The following PIAS1 variants were observed in gnomAD, a reference collection of about 807,000 sequenced individuals.
PIAS1 encodes the protein E3 SUMO-protein ligase PIAS1.
A neutral mutation model predicts 71.3 loss-of-function variants in PIAS1; 6 were observed. The observed-to-expected ratio is 0.08, with a 90% CI of 0.05 to 0.17. PIAS1 has a LOEUF of 0.17. Ranked by LOEUF, PIAS1 falls within the 10% of genes least tolerant of loss-of-function variation. PIAS1 has a pLI of 1.00. For missense variants in PIAS1, 555 were observed against 793.6 expected, an observed-to-expected ratio of 0.70 and a Z score of 3.61; for synonymous variants, 303 against 292.9, an observed-to-expected ratio of 1.03 and a Z score of -0.35.
chr15:68,059,993 ATTGT>A (rs1245751587), intron 1 of PIAS1, among the ~76,000 whole-genome samples: 1 of 152,052 alleles, frequency 6.6e-6, no homozygotes. Flanking sequence ...TCATACCTTT[ATTGT>A]TTATGTTTCT....
chr15:68,140,780 T>G (rs2092764667), intron 2 of PIAS1, among the ~76,000 whole-genome samples: 1 of 152,202 alleles, frequency 6.6e-6, no homozygotes, highest in African/African-American at 2.4e-5. Flanking sequence ...AACAGCCAAC[T>G]TCAGCTGCTT....
At chr15:68,148,862 G>C (rs1172860653) in intron 6 of PIAS1, among the ~76,000 whole-genome samples, 1 of 152,226 alleles carries the variant, frequency 6.6e-6, no homozygotes, top group Non-Finnish European at 1.5e-5. Context: ...AGCTCTTGTG[G>C]AAGTATTAGT....
At chr15:68,093,041 G>T (rs1740698472) in intron 2 of PIAS1, among the ~76,000 whole-genome samples, 1 of 152,148 alleles carries the variant, frequency 6.6e-6, no homozygotes, top group South Asian at 2.1e-4. Context: ...CCTTTTCTTT[G>T]ACAGTGATGA....
intron 2 of PIAS1, among the ~76,000 whole-genome samples, chr15:68,139,687 A>G (rs2092757182): frequency 6.6e-6 from 1 of 152,214 alleles, no homozygotes; most frequent in Non-Finnish European, 1.5e-5. Flanking sequence ...AAAAAGATTA[A>G]GATTTTATAT....
intron 2 of PIAS1, among the ~76,000 whole-genome samples, chr15:68,095,782 C>T (rs893026030): frequency 4.0e-5 from 6 of 151,426 alleles, no homozygotes; most frequent in Admixed American, 1.3e-4. Flanking sequence ...CTGCCCACCT[C>T]GGCCTCCCAA....
At chr15:68,055,219 G>A (rs2091882814) in intron 1 of PIAS1, 1 of 985,230 alleles carries the variant, frequency 1.0e-6, no homozygotes, top group Non-Finnish European at 1.2e-6. Flanking sequence ...TGGCGATGCT[G>A]TAGCTGATGG....
At chr15:68,057,151 A>G (rs748556602) in intron 1 of PIAS1, among the ~76,000 whole-genome samples, 3 of 152,228 alleles carry the variant, frequency 2.0e-5, no homozygotes, top group African/African-American at 4.8e-5. Flanking sequence ...TATCCCCTGT[A>G]GGAATTGTGC....
chr15:68,111,764 T>G (rs963169425), intron 2 of PIAS1, among the ~76,000 whole-genome samples: 1 of 152,116 alleles, frequency 6.6e-6, no homozygotes, highest in African/African-American at 2.4e-5. Flanking sequence ...AAAGAAAGGT[T>G]TATTATACTA....
At position 68,167,876 on chromosome 15, in the gene PIAS1, T is replaced by G. The variant is rs2092967079; in HGVS notation, c.1008+3072T>G. Among the ~76,000 whole-genome samples, 1 of 151,998 alleles carries G rather than the reference T, an allele frequency of 6.6e-6. No individual in the cohort carries two copies. The highest frequency in any genetic ancestry group is 2.1e-4 in the South Asian group (1 of 4,824). On this transcript the variant is annotated intron_variant, in intron 8 of 13. Transcript: ENST00000249636. The surrounding 1 kb of genome is among the most constrained non-coding windows in gnomAD (Gnocchi z 4.4). ...GCACGCCACCACGCCTGGCTAATTT[T>G]TTGTATTTTTAGTAGAGATGGGGTT...
At chr15:68,103,230 CTTTG>C (rs1399263170) in intron 2 of PIAS1, among the ~76,000 whole-genome samples, 3 of 151,600 alleles carry the variant, frequency 2.0e-5, no homozygotes, top group African/African-American at 7.3e-5. Context: ...CCTGACCCTT[CTTTG>C]ATTTTGATCT....
intron 2 of PIAS1, among the ~76,000 whole-genome samples, chr15:68,107,883 T>C (rs1004951825): frequency 1.3e-5 from 2 of 152,140 alleles, no homozygotes; most frequent in Admixed American, 6.5e-5. Context: ...TAGTGAAATA[T>C]TATTTTAAAT....
At chr15:68,074,346 A>T (rs2092134192) in intron 1 of PIAS1, among the ~76,000 whole-genome samples, 1 of 152,004 alleles carries the variant, frequency 6.6e-6, no homozygotes, top group South Asian at 2.1e-4. Context: ...AAAAAATTTT[A>T]TTTTTAGACA....
chr15:68,114,542 ATAGGAACTT>A (rs2092549481), intron 2 of PIAS1, among the ~76,000 whole-genome samples: 1 of 152,060 alleles, frequency 6.6e-6, no homozygotes, highest in South Asian at 2.1e-4. Context: ...ACATTCGTAG[ATAGGAACTT>A]TAGTTTCACT....
At chr15:68,139,904 T>C (rs2092758846) in intron 2 of PIAS1, among the ~76,000 whole-genome samples, 1 of 152,198 alleles carries the variant, frequency 6.6e-6, no homozygotes, top group Admixed American at 6.5e-5. Flanking sequence ...GTAATTCTTT[T>C]TGTCCAGAAT....
chr15:68,091,726 C>T (rs1333657969), intron 2 of PIAS1, among the ~76,000 whole-genome samples: 5 of 152,128 alleles, frequency 3.3e-5, no homozygotes, highest in Non-Finnish European at 5.9e-5. Context: ...GATAGGTTAG[C>T]TTAACCTACC....
chr15:68,109,051 C>G (rs2092498927), intron 2 of PIAS1, among the ~76,000 whole-genome samples: 1 of 152,192 alleles, frequency 6.6e-6, no homozygotes, highest in African/African-American at 2.4e-5. Context: ...TGTTACCTGT[C>G]TGATATCATC....
intron 1 of PIAS1, among the ~76,000 whole-genome samples, chr15:68,081,950 T>C (rs2092233560): frequency 6.6e-6 from 1 of 151,610 alleles, no homozygotes; most frequent in Non-Finnish European, 1.5e-5. Context: ...TTGTAAAATT[T>C]CAGAACAGAT....
In PIAS1 at chr15:68,187,602, C is replaced by T. The variant is rs1567083686; in HGVS notation, c.1723C>T (p.Leu575=). 3 of 1,613,982 alleles carry T rather than the reference C, an allele frequency of 1.9e-6. No homozygotes were observed. The highest frequency in any genetic ancestry group is 2.2e-5 in the East Asian group (1 of 44,884). The change falls in exon 14 of 14, where the codon CTA becomes TTA. Residue 575 remains leucine (L), a synonymous_variant. Coordinates refer to ENST00000249636, the MANE Select transcript of PIAS1 (RefSeq NM_016166.3). The surrounding 1 kb of genome is among the most constrained non-coding windows in gnomAD (Gnocchi z 5.3). ...AAAVSDDQDL[L]HSSRFFPYTS... Reference sequence around the variant, plus strand: ...AGCAGTTTCAGATGATCAAGACCTCCTACACTCGTCTCGGTTTTTCCCGTA... The same window carrying T: ...AGCAGTTTCAGATGATCAAGACCTCTTACACTCGTCTCGGTTTTTCCCGTA...
At chr15:68,061,336 C>T (rs2091956827) in intron 1 of PIAS1, 1 of 152,152 alleles carries the variant, frequency 6.6e-6, no homozygotes, top group Admixed American at 6.5e-5. Context: ...CTATATTTCC[C>T]CTTCCATGTT....
Sources: allele counts gnomAD v4.1 joint callset (sites outside exome capture counted in the v4.1 genomes callset), GRCh38; gene constraint gnomAD v4.1.1; non-coding constraint Gnocchi (gnomAD v3.1); transcripts MANE v1.5; gene names NCBI Gene and HGNC (gene_info 2026-07-23, HGNC 2026-07-21).